Variants in ANAPC15 observed in about 807,000 individuals in gnomAD.
ANAPC15 encodes anaphase promoting complex subunit 15.
Under a neutral mutation model 19.8 loss-of-function variants are expected in ANAPC15, and 13 were observed. The ratio of observed to expected loss-of-function variants is 0.66; its 90% CI spans 0.43 to 1.04. ANAPC15 has a LOEUF of 1.04. Ranked by LOEUF, ANAPC15 falls within the 50% of genes least tolerant of loss-of-function variation. The pLI is 0.00. For synonymous variants in ANAPC15, 45 were observed against 50.7 expected (o/e 0.89, Z 0.47); for missense variants, 88 against 150.3 (o/e 0.59, Z 2.17).
At chr11:72,107,590 G>T (rs1272467820), downstream of ANAPC15, 1 of 693,536 alleles carries the variant, frequency 1.4e-6, no homozygotes, top group East Asian at 2.7e-5. Flanking sequence ...CAGGTGGGAA[G>T]TACTGAGAGA....
chr11:72,110,739 A>G, intron 3 of ANAPC15, 136 bp from the exon 4 acceptor site: 1 of 840,524 alleles, frequency 1.2e-6, no homozygotes, highest in Non-Finnish European at 1.9e-6. Context: ...AGGGAGATAC[A>G]ATCCCTTTCT....
chr11:72,107,268 A>G, downstream of ANAPC15: 1 of 600,800 alleles, frequency 1.7e-6, no homozygotes, highest in South Asian at 2.0e-5. Context: ...CTTGGTCTCA[A>G]AAATAAATAA....
Position 72,110,225 on chromosome 11 carries a change from G to C in ANAPC15, c.181C>G (p.His61Asp). ...LVPIGKPASE[H>D]YDDEEEEDDE... Reference sequence around the variant, plus strand: ...TCCTCTTCTTCCTCGTCATCATAGTGCTGGTGGGCAGGACAGAGCCTGTAA... The same window carrying C: ...TCCTCTTCTTCCTCGTCATCATAGTCCTGGTGGGCAGGACAGAGCCTGTAA... Residue 61 changes from histidine (H) to aspartate (D), a missense_variant and splice_region_variant, in exon 5 of 6, where the codon CAC (histidine) becomes GAC (aspartate). Transcript: ENST00000227618. 1.9e-6 allele frequency: 3 copies of C among 1,613,454 alleles called. No homozygotes were observed. The South Asian group carries it at 3.3e-5, about 18-fold the overall frequency.
intron 3 of ANAPC15, 68 bp from the exon 4 acceptor site, chr11:72,110,671 C>A: frequency 6.4e-7 from 1 of 1,569,156 alleles, no homozygotes; most frequent in Non-Finnish European, 8.7e-7. Flanking sequence ...ATGGGACTGG[C>A]CCATTCTGCC....
In ANAPC15 at chr11:72,111,436, A is replaced by G; in HGVS notation, c.-35T>C. 1.6e-6 allele frequency: 1 copy of G among 614,742 alleles called. No homozygotes were observed. Among genetic ancestry groups the G allele is most frequent in the Non-Finnish European group, 2.9e-6 (1 of 341,822 alleles). 38.1% of individuals were successfully genotyped at this position (614,742 alleles called of 1,614,324 possible). On this transcript the variant is annotated 5_prime_UTR_variant, in exon 2 of 6. Coordinates refer to ENST00000227618, the MANE Select transcript of ANAPC15 (RefSeq NM_014042.3). ...CCTGGCTTTGAGTCCTGGCTCCACCACTTACTAGCTGTTTGACCTTGGCTG... is the reference window on the plus strand; with the variant it reads ...CCTGGCTTTGAGTCCTGGCTCCACCGCTTACTAGCTGTTTGACCTTGGCTG...
upstream of ANAPC15, chr11:72,112,740 C>G (rs1310868737): frequency 2.2e-6 from 1 of 456,640 alleles, no homozygotes; most frequent in East Asian, 6.9e-5. Flanking sequence ...TCACCAAACG[C>G]ATGCGTCCTT....
chr11:72,111,195 T>C lies in ANAPC15; in HGVS notation c.82A>G (p.Thr28Ala). 1.2e-6 allele frequency: 2 copies of C among 1,613,486 alleles called. No individual in the cohort carries two copies. Among genetic ancestry groups the C allele is most frequent in the South Asian group, 2.2e-5 (2 of 91,068 alleles). Reference sequence around the variant, plus strand: ...TGCTGTTCCTGCTGCTGCAGCTCTGTCTCTTCCACACAGGGTCGATCCAGA... The same window carrying C: ...TGCTGTTCCTGCTGCTGCAGCTCTGCCTCTTCCACACAGGGTCGATCCAGA... ...FNLDRPCVEE[T>A]ELQQQEQQHQ... Residue 28 changes from threonine (T) to alanine (A), a missense_variant, in exon 3 of 6, where the codon ACA becomes GCA. Transcript: ENST00000227618.
chr11:72,109,434 G>A (rs1946120267), downstream of ANAPC15: 3 of 435,806 alleles, frequency 6.9e-6, no homozygotes, highest in Non-Finnish European at 1.4e-5. Flanking sequence ...CAGAACCCTG[G>A]ACCCAGGGCC....
upstream of ANAPC15, chr11:72,112,767 C>T (rs1207957921): frequency 2.2e-6 from 1 of 456,190 alleles, no homozygotes; most frequent in African/African-American, 2.0e-5. Flanking sequence ...CTTTTGTTTT[C>T]CCCGCTCCCG....
In ANAPC15 at chr11:72,109,695, C is replaced by G. The variant is rs1047896671; in HGVS notation, c.*186G>C. 1.3e-5 allele frequency: 9 copies of G among 678,222 alleles called. No homozygotes were observed. In the African/African-American group the frequency reaches 1.6e-4, roughly 12 times the overall value. 42.0% of individuals were successfully genotyped at this position (678,222 alleles called of 1,614,324 possible). A position where few individuals can be genotyped will look rare whatever the true frequency, so the allele number is the denominator to read the frequency against. ...AGTAGGTTTCAGGCCCTGGGGATTT[C>G]AAGTGCAGACTGATGGCCTGGGAGG... On this transcript the variant is annotated 3_prime_UTR_variant, in exon 6 of 6. Transcript: ENST00000227618.
downstream of ANAPC15, chr11:72,107,967 G>A (rs1188631490): frequency 6.4e-7 from 1 of 1,551,606 alleles, no homozygotes; most frequent in East Asian, 2.4e-5. Context: ...CCCTGCTTGT[G>A]TGCTGGAATT....
In ANAPC15 at chr11:72,110,081, T is replaced by A; in HGVS notation, c.318+7A>T. The A allele has an allele frequency of 6.2e-7, 1 of 1,614,180 alleles. No individual in the cohort carries two copies. The highest frequency in any genetic ancestry group is 8.5e-7 in the Non-Finnish European group (1 of 1,180,020). On this transcript the variant is annotated splice_region_variant and intron_variant, in intron 5 of 5. Coordinates refer to ENST00000227618, the MANE Select transcript of ANAPC15 (RefSeq NM_014042.3). ...AACAGAGGCCCTCCCCCATACCCCT[T>A]GCCTACCTCATTGACCTCTCCATCA...
downstream of ANAPC15, chr11:72,107,788 G>A: frequency 2.2e-6 from 2 of 897,574 alleles, no homozygotes; most frequent in Non-Finnish European, 3.4e-6. Context: ...GGCAGCTGGG[G>A]CTATGGTACA....
At chr11:72,109,007 T>A, downstream of ANAPC15, 2 of 1,260,464 alleles carry the variant, frequency 1.6e-6, no homozygotes, top group South Asian at 3.1e-5. Flanking sequence ...CCTTTCCTGT[T>A]TGGGGCCTTG....
chr11:72,108,655 C>T (rs1295346495), downstream of ANAPC15: 4 of 1,518,396 alleles, frequency 2.6e-6, no homozygotes, highest in Admixed American at 8.2e-5. Flanking sequence ...GCCTACGCAC[C>T]CAGTATCAGC....
chr11:72,108,826 C>A (rs1416957818), downstream of ANAPC15: 1 of 1,550,656 alleles, frequency 6.4e-7, no homozygotes, highest in East Asian at 2.4e-5. Flanking sequence ...ATGCTAAGAG[C>A]TGTGGCCGCT....
At chr11:72,112,705 G>A (rs1048134597), upstream of ANAPC15, 7 of 456,568 alleles carry the variant, frequency 1.5e-5, no homozygotes, top group Non-Finnish European at 3.1e-5. Context: ...CAGCCTGAGC[G>A]GAAGAACCCA....
downstream of ANAPC15, chr11:72,108,694 A>G (rs991850714): frequency 5.8e-6 from 9 of 1,545,666 alleles, no homozygotes; most frequent in Non-Finnish European, 7.9e-6. Context: ...TGCTCCTGGC[A>G]CACCGGCCAC....
chr11:72,107,884 A>G, downstream of ANAPC15: 1 of 1,550,008 alleles, frequency 6.5e-7, no homozygotes, highest in Non-Finnish European at 8.7e-7. Flanking sequence ...CCCTGCATCC[A>G]TCTCCCATGT....
Sources: allele counts gnomAD v4.1 joint callset, GRCh38; gene constraint gnomAD v4.1.1; transcripts MANE v1.5; gene names NCBI Gene and HGNC (gene_info 2026-07-23, HGNC 2026-07-21).